ANO3: variants seen among roughly 807,000 people sequenced by gnomAD.
ANO3 encodes anoctamin 3.
ANO3 carries 99 observed loss-of-function variants against 144.8 expected under a neutral mutation model. That is an observed-to-expected ratio of 0.68 (90% confidence interval 0.58 to 0.81). The LOEUF (loss-of-function observed/expected upper bound fraction) is 0.81, where lower values mean the gene tolerates loss of function less well. Ranked by LOEUF, ANO3 falls within the 30% of genes least tolerant of loss-of-function variation. The probability of loss-of-function intolerance (pLI) is 0.00; values close to 1 mark genes in which losing one functional copy is unlikely to be tolerated. For missense variants in ANO3, 905 were observed against 1,202.2 expected (o/e 0.75, Z 3.66); for synonymous variants, 414 against 392.6 (o/e 1.05, Z -0.64).
chr11:26,595,090 C>T (rs1262105822), intron 14 of ANO3, among the ~76,000 whole-genome samples: 3 of 152,188 alleles, frequency 2.0e-5, no homozygotes, highest in Non-Finnish European at 4.4e-5. Context: ...CAGTCATTTT[C>T]CAATGAGCTT....
chr11:26,192,755 A>G (rs1266462277), intron 1 of ANO3, among the ~76,000 whole-genome samples: 1 of 152,150 alleles, frequency 6.6e-6, no homozygotes, highest in Non-Finnish European at 1.5e-5. Flanking sequence ...GCTGAATTGG[A>G]GAGTTTTTAA....
chr11:26,510,157 T>TAAAAAAAAAAAAA (rs1861609100), intron 5 of ANO3, among the ~76,000 whole-genome samples: 1 of 39,886 alleles, frequency 2.5e-5, no homozygotes, highest in Non-Finnish European at 4.5e-5. Flanking sequence ...AAAAAAAGAG[T>TAAAAAAAAAAAAA]AGAAAAGAAA....
intron 1 of ANO3, among the ~76,000 whole-genome samples, chr11:26,439,556 G>A (rs546158385): frequency 3.3e-5 from 5 of 152,168 alleles, no homozygotes; most frequent in Non-Finnish European, 5.9e-5. Context: ...ATGTTTGCAC[G>A]ACTCTGTGCA....
intron 1 of ANO3, among the ~76,000 whole-genome samples, chr11:26,209,901 G>A (rs1179497074): frequency 6.6e-6 from 1 of 152,054 alleles, no homozygotes; most frequent in African/African-American, 2.4e-5. Context: ...TTTGTCAGAT[G>A]GATAGACTGC....
chr11:26,465,970 C>A (rs1018333807), intron 4 of ANO3, among the ~76,000 whole-genome samples: 2 of 151,886 alleles, frequency 1.3e-5, no homozygotes, highest in Non-Finnish European at 2.9e-5. Context: ...TGCTTCAAAT[C>A]ATAAGTTTTT....
chr11:26,564,551 C>A (rs1487102564), intron 14 of ANO3, among the ~76,000 whole-genome samples: 4 of 147,976 alleles, frequency 2.7e-5, no homozygotes, highest in African/African-American at 9.9e-5. Context: ...TTTTATGTTT[C>A]AAATGGAAAA....
chr11:26,278,746 T>C (rs1853612858), intron 1 of ANO3, among the ~76,000 whole-genome samples: 1 of 152,150 alleles, frequency 6.6e-6, no homozygotes, highest in South Asian at 2.1e-4. Context: ...GTCTTTCCTC[T>C]ATCACCTTCC....
chr11:26,283,315 T>C (rs1470163098), intron 1 of ANO3, among the ~76,000 whole-genome samples: 13 of 60,156 alleles, frequency 2.2e-4, no homozygotes, highest in Non-Finnish European at 3.0e-4. Flanking sequence ...AATAAACAAA[T>C]AAATAAATAT....
intron 1 of ANO3, among the ~76,000 whole-genome samples, chr11:26,257,411 C>G (rs1223587445): frequency 1.3e-5 from 2 of 152,028 alleles, no homozygotes; most frequent in Non-Finnish European, 2.9e-5. Flanking sequence ...CTTCAAATCA[C>G]TAAGCAATGT....
chr11:26,455,881 G>T (rs2134046188), intron 3 of ANO3, among the ~76,000 whole-genome samples: 1 of 151,754 alleles, frequency 6.6e-6, no homozygotes, highest in African/African-American at 2.4e-5. Context: ...CAGAGATATA[G>T]ATCAATGGAA....
At chr11:26,573,712 G>T (rs1850913694) in intron 14 of ANO3, among the ~76,000 whole-genome samples, 1 of 152,044 alleles carries the variant, frequency 6.6e-6, no homozygotes, top group African/African-American at 2.4e-5. Context: ...TTTTCCTGAA[G>T]ACCCTTTCTG....
chr11:26,541,203 C>A (rs754863800), intron 10 of ANO3, among the ~76,000 whole-genome samples: 7 of 151,986 alleles, frequency 4.6e-5, no homozygotes, highest in African/African-American at 1.7e-4. Flanking sequence ...GAACGGAAAA[C>A]GAAACACCCC....
chr11:26,422,546 T>C (rs1398349833), intron 1 of ANO3, among the ~76,000 whole-genome samples: 2 of 152,044 alleles, frequency 1.3e-5, no homozygotes, highest in Non-Finnish European at 1.5e-5. Context: ...AATGTTACTT[T>C]AGGAAAATCT....
chr11:26,629,537 T>C (rs1253983593), intron 18 of ANO3, among the ~76,000 whole-genome samples: 2 of 152,198 alleles, frequency 1.3e-5, no homozygotes, highest in Admixed American at 6.5e-5. Flanking sequence ...GAAATATGTA[T>C]GGAGGACCTA....
chr11:26,502,690 C>A (rs949485969), intron 4 of ANO3, among the ~76,000 whole-genome samples: 4 of 151,976 alleles, frequency 2.6e-5, no homozygotes, highest in Non-Finnish European at 5.9e-5. Context: ...TCTATTAATG[C>A]GCAAAATAGA....
At chr11:26,276,691 A>G (rs533600022) in intron 1 of ANO3, among the ~76,000 whole-genome samples, 13 of 152,138 alleles carry the variant, frequency 8.5e-5, no homozygotes, top group Non-Finnish European at 1.2e-4. Flanking sequence ...GGCCAATTCA[A>G]TGCGTTTGAA....
At chr11:26,194,841 C>CA (rs1851553197) in intron 1 of ANO3, among the ~76,000 whole-genome samples, 1 of 152,194 alleles carries the variant, frequency 6.6e-6, no homozygotes, top group African/African-American at 2.4e-5. Flanking sequence ...GCTGGGATTA[C>CA]AAGTGTGAGC....
chr11:26,307,934 T>A (rs946707228), upstream of ANO3, among the ~76,000 whole-genome samples: 3 of 152,050 alleles, frequency 2.0e-5, no homozygotes, highest in Admixed American at 6.5e-5. Context: ...TCTTTGTCTA[T>A]TCTGATTTTA....
At chr11:26,440,003 G>A (rs1858455596) in intron 1 of ANO3, among the ~76,000 whole-genome samples, 1 of 152,154 alleles carries the variant, frequency 6.6e-6, no homozygotes, top group Admixed American at 6.5e-5. Flanking sequence ...AACCTGACAT[G>A]TAATAGGCAC....
Sources: gnomAD v4.1 joint callset for allele counts (sites outside exome capture counted in the v4.1 genomes callset) on GRCh38, gnomAD v4.1.1 for gene constraint, MANE v1.5 for transcripts, NCBI Gene and HGNC (gene_info 2026-07-23, HGNC 2026-07-21) for gene names.